The following SEH1L variants were observed in gnomAD, a reference collection of about 807,000 sequenced individuals.
SEH1L encodes nucleoporin SEH1.
Under a neutral mutation model 49.5 loss-of-function variants are expected in SEH1L, and 18 were observed. The observed-to-expected ratio is 0.36, with a 90% CI of 0.25 to 0.54. The LOEUF is 0.54. SEH1L is among the 20% of genes least tolerant of loss of function. The pLI, the probability that SEH1L is intolerant of heterozygous loss-of-function variation, is 0.87. For missense variants in SEH1L, 404 were observed against 528.8 expected (o/e 0.76, Z 2.31); for synonymous variants, 169 against 178.1 (o/e 0.95, Z 0.41).
Position 12,982,533 on chromosome 18 carries a change from C to T in SEH1L, c.777C>T (p.Ser259=). 3 of 1,610,362 alleles carry T rather than the reference C, an allele frequency of 1.9e-6. No homozygotes were observed. Among genetic ancestry groups the T allele is most frequent in the Non-Finnish European group, 2.5e-6 (3 of 1,178,916 alleles). Residue 259 remains serine, a synonymous_variant, in exon 7 of 9, where the codon TCC becomes TCT. Transcript: ENST00000399892. The stretch of plus-strand genomic sequence containing the variant: ...TTATTAACAGGAAAGAACTGACTTC[C>T]TCTGGTGGGCCAACAAAGTTTGAAA... ...TLKPVRKELT[S]SGGPTKFEIH...
chr18:12,979,995 G>A lies in SEH1L; in HGVS notation c.761+1103G>A, dbSNP rs1457685124. ...TCCCGGACGGGGCGGCTGGCCGGGC[G>A]CGGGGCTGACCCCCCCACCTCCCTC... On this transcript the variant is annotated intron_variant, in intron 6 of 8. Transcript: ENST00000399892. 1.8e-4 allele frequency among the ~76,000 whole-genome samples: 21 copies of A among 116,206 alleles called. 1 individual carries two copies. Among genetic ancestry groups the A allele is most frequent in the Non-Finnish European group, 1.7e-4 (9 of 54,096 alleles). The allele number at this position is 116,206 out of a possible 152,430, so 76.2% of individuals were successfully genotyped here.
intron 6 of SEH1L, among the ~76,000 whole-genome samples, chr18:12,980,231 C>G (rs1402596637): frequency 1.4e-5 from 2 of 140,102 alleles, no homozygotes; most frequent in African/African-American, 2.6e-5. Flanking sequence ...CACCTCCCTC[C>G]CGGACGGGGC....
At chr18:12,959,966 G>A (rs552903487) in intron 3 of SEH1L, among the ~76,000 whole-genome samples, 5 of 152,250 alleles carry the variant, frequency 3.3e-5, no homozygotes, top group Non-Finnish European at 4.4e-5. Context: ...AAGATCTCTC[G>A]AATCCATCTA....
chr18:12,948,469 C>G lies in SEH1L; in HGVS notation c.111+237C>G, dbSNP rs2030260662. 5.2e-6 allele frequency: 2 copies of G among 382,394 alleles called. 1 individual carries two copies. The highest frequency in any genetic ancestry group is 9.8e-5 in the South Asian group (2 of 20,326). The allele number at this position is 382,394 out of a possible 1,614,324, so 23.7% of individuals were successfully genotyped here. On this transcript the variant is annotated intron_variant, in intron 1 of 8. Transcript: ENST00000399892. ...GCAGCTGGTGCCACGTGCGCGCTCC[C>G]GCCCGCAGGGTACGCCGGGCCCTCT... is the stretch of plus-strand genomic sequence containing the variant.
intron 1 of SEH1L, 186 bp downstream of exon 1, chr18:12,948,418 C>T (rs979325869): frequency 2.1e-6 from 1 of 474,508 alleles, no homozygotes; most frequent in Non-Finnish European, 3.7e-6. Context: ...ACGGCGGCCT[C>T]GCGGGCCGCC....
chr18:12,963,451 TTC>T, intron 4 of SEH1L, 80 bp downstream of exon 4: 2 of 1,158,896 alleles, frequency 1.7e-6, no homozygotes, highest in Non-Finnish European at 2.6e-6. Flanking sequence ...TGATAATTTA[TTC>T]TCTCAAAGGT....
intron 4 of SEH1L, among the ~76,000 whole-genome samples, chr18:12,965,301 C>T (rs1242264037): frequency 6.6e-6 from 1 of 152,212 alleles, no homozygotes; most frequent in African/African-American, 2.4e-5. Context: ...CATGAGCCAC[C>T]TCGCCCAGTC....
At chr18:12,951,718 G>A in intron 1 of SEH1L, 137 bp from the exon 2 acceptor site, 1 of 610,110 alleles carries the variant, frequency 1.6e-6, no homozygotes. Flanking sequence ...TTGAATGAAT[G>A]AATGTTTACT....
Position 12,987,037 on chromosome 18 carries a change from C to A in SEH1L, c.1246C>A (p.Pro416Thr). Residue 416 changes from proline (P) to threonine (T), a missense_variant, in exon 9 of 9, where the codon CCT becomes ACT. Coordinates refer to ENST00000399892, the MANE Select transcript of SEH1L (RefSeq NM_001013437.2). ...TCTCTCTCGGCCTCTTAATCCCTTACCTGAGAATGAAGGGATTTAAAACAC... is the reference window on the plus strand; with the variant it reads ...TCTCTCTCGGCCTCTTAATCCCTTAACTGAGAATGAAGGGATTTAAAACAC... The part of the protein sequence containing the change: ...RYLSRPLNPL[P>T]ENEGI 2.5e-6 allele frequency: 4 copies of A among 1,608,172 alleles called. No individual in the cohort carries two copies. Among genetic ancestry groups the A allele is most frequent in the Non-Finnish European group, 3.4e-6 (4 of 1,176,104 alleles).
intron 6 of SEH1L, 61 bp from the exon 7 acceptor site, chr18:12,982,457 G>GTA (rs372997937): frequency 5.2e-5 from 60 of 1,150,074 alleles, no homozygotes; most frequent in African/African-American, 7.8e-5. Context: ...ATATGTGTGT[G>GTA]TATATATATA....
chr18:12,966,009 A>G (rs937182290), intron 4 of SEH1L, among the ~76,000 whole-genome samples: 1 of 151,154 alleles, frequency 6.6e-6, no homozygotes, highest in South Asian at 2.1e-4. Context: ...TCCAGGAAAA[A>G]CCCCAACCTG....
At chr18:12,981,856 T>TTTTTATTTTTA (rs2032282384) in intron 6 of SEH1L, among the ~76,000 whole-genome samples, 1 of 125,352 alleles carries the variant, frequency 8.0e-6, no homozygotes, top group African/African-American at 3.1e-5. Flanking sequence ...GCCCATTTTT[T>TTTTTATTTTTA]TTTTTTTTTT....
At chr18:12,967,654 C>G (rs1473965954) in intron 4 of SEH1L, among the ~76,000 whole-genome samples, 1 of 152,188 alleles carries the variant, frequency 6.6e-6, no homozygotes, top group Non-Finnish European at 1.5e-5. Flanking sequence ...TGGCTCACGC[C>G]TGTTATCCCA....
At chr18:12,948,410 G>A in intron 1 of SEH1L, 178 bp downstream of exon 1, 1 of 494,764 alleles carries the variant, frequency 2.0e-6, no homozygotes, top group Non-Finnish European at 3.5e-6. Context: ...GTGGGGTCAC[G>A]GCGGCCTCGC....
chr18:12,982,493 C>G, intron 6 of SEH1L, 25 bp from the exon 7 acceptor site: 1 of 1,592,296 alleles, frequency 6.3e-7, no homozygotes, highest in Non-Finnish European at 8.6e-7. Flanking sequence ...TTTGGAATGC[C>G]TCAGAAAATG....
intron 1 of SEH1L, among the ~76,000 whole-genome samples, chr18:12,951,313 T>C (rs909023214): frequency 6.6e-6 from 1 of 152,242 alleles, no homozygotes; most frequent in Admixed American, 6.5e-5. Flanking sequence ...TGACTGTAAC[T>C]AATTGTCTCT....
intron 4 of SEH1L, among the ~76,000 whole-genome samples, chr18:12,965,943 T>A (rs1207560236): frequency 1.3e-5 from 2 of 152,188 alleles, no homozygotes; most frequent in Non-Finnish European, 2.9e-5. Context: ...CCTTCCATAC[T>A]CATCTCCCAG....
chr18:12,948,293 G>A, intron 1 of SEH1L, 61 bp downstream of exon 1: 2 of 1,232,598 alleles, frequency 1.6e-6, no homozygotes, highest in Non-Finnish European at 2.4e-6. Context: ...GTGGGTGGGC[G>A]GCGCGGGGAA....
intron 6 of SEH1L, among the ~76,000 whole-genome samples, chr18:12,980,330 G>T (rs1172625957): frequency 9.1e-6 from 1 of 109,914 alleles, no homozygotes; most frequent in Non-Finnish European, 1.9e-5. Context: ...GGGCAGAGGC[G>T]CCCCTCACCT....
Sources: allele counts gnomAD v4.1 joint callset (sites outside exome capture counted in the v4.1 genomes callset), GRCh38; gene constraint gnomAD v4.1.1; transcripts MANE v1.5; gene names NCBI Gene and HGNC (gene_info 2026-07-23, HGNC 2026-07-21).